The following RBFOX1 variants were observed in gnomAD, a reference collection of about 807,000 sequenced individuals.
The protein encoded by RBFOX1 is RNA binding fox-1 homolog 1, also known as RNA binding protein fox-1 homolog 1.
In RBFOX1, 8 loss-of-function variants were observed where a neutral mutation model predicts 57.7. The observed-to-expected ratio is 0.14, with a 90% CI of 0.08 to 0.25. The LOEUF (loss-of-function observed/expected upper bound fraction) is 0.25, where lower values mean the gene tolerates loss of function less well. RBFOX1 is among the 10% of genes least tolerant of loss of function. The pLI is 1.00. For synonymous variants in RBFOX1, 326 were observed against 222.4 expected (o/e 1.47, Z -4.15); for missense variants, 611 against 548.5 (o/e 1.11, Z -1.14).
chr16:5,356,731 G>A (rs1248380801), intron 1 of RBFOX1, among the ~76,000 whole-genome samples: 2 of 152,150 alleles, frequency 1.3e-5, no homozygotes, highest in Admixed American at 6.5e-5. Context: ...CAAAGATTGT[G>A]GCCTAGAATG....
At chr16:6,839,306 C>A (rs1290292939) in intron 3 of RBFOX1, among the ~76,000 whole-genome samples, 1 of 152,134 alleles carries the variant, frequency 6.6e-6, no homozygotes, top group Non-Finnish European at 1.5e-5. Context: ...ACATAGCTGC[C>A]TCAGTCTGAA....
At position 6,892,363 on chromosome 16, in the gene RBFOX1, A is replaced by G. The variant is rs143784907; in HGVS notation, c.-15-159694A>G. On this transcript the variant is annotated intron_variant, in intron 3 of 15. Coordinates refer to ENST00000550418, the MANE Select transcript of RBFOX1 (RefSeq NM_018723.4). ...GGGTTATTTTAAGGAGACTCAGAAA[A>G]TATCTTAAAATATCCAAAGTCTGAG... Among the ~76,000 whole-genome samples, 1,025 of 152,256 alleles carry G rather than the reference A, an allele frequency of 6.7e-3. 10 individuals are homozygous for G. Among genetic ancestry groups the G allele is most frequent in the African/African-American group, 0.023 (965 of 41,536 alleles).
At chr16:5,845,421 G>C (rs1008757099) in intron 3 of RBFOX1, among the ~76,000 whole-genome samples, 1 of 152,158 alleles carries the variant, frequency 6.6e-6, no homozygotes. Context: ...TTGGTCTCCA[G>C]CCTTTCTTGA....
At chr16:6,719,598 G>A (rs574010891) in intron 3 of RBFOX1, among the ~76,000 whole-genome samples, 71 of 151,510 alleles carry the variant, frequency 4.7e-4, no homozygotes, top group Admixed American at 2.9e-3. Flanking sequence ...CCATCACCAC[G>A]CCCGGCTAAT....
At chr16:5,573,989 G>A (rs1313485898) in intron 2 of RBFOX1, among the ~76,000 whole-genome samples, 4 of 152,112 alleles carry the variant, frequency 2.6e-5, no homozygotes, top group Non-Finnish European at 4.4e-5. Context: ...AATGAAACAA[G>A]TCTGTTCCGA....
chr16:7,450,191 C>G (rs1027132803), intron 4 of RBFOX1, among the ~76,000 whole-genome samples: 1 of 151,880 alleles, frequency 6.6e-6, no homozygotes, highest in African/African-American at 2.4e-5. Flanking sequence ...GTCAGGGGAT[C>G]GAGATCATCC....
At chr16:6,500,924 CTTG>C (rs1022037149) in intron 2 of RBFOX1, among the ~76,000 whole-genome samples, 2 of 34,054 alleles carry the variant, frequency 5.9e-5, no homozygotes, top group Admixed American at 3.8e-4. Context: ...TCCTCTGTCC[CTTG>C]TTAAGTTTTG....
intron 3 of RBFOX1, among the ~76,000 whole-genome samples, chr16:6,690,062 A>T (rs2059988796): frequency 6.6e-6 from 1 of 152,100 alleles, no homozygotes; most frequent in South Asian, 2.1e-4. Flanking sequence ...TGCTTTATTT[A>T]TTTATTTTTG....
chr16:5,445,917 T>G (rs1389815965), intron 1 of RBFOX1, among the ~76,000 whole-genome samples: 1 of 152,232 alleles, frequency 6.6e-6, no homozygotes, highest in Non-Finnish European at 1.5e-5. Flanking sequence ...TCCCCAGGTA[T>G]GCTTTGAGTG....
At chr16:6,218,644 A>G (rs2097351804) in intron 1 of RBFOX1, among the ~76,000 whole-genome samples, 2 of 152,136 alleles carry the variant, frequency 1.3e-5, no homozygotes. Context: ...AATAAGAGGA[A>G]AGCCCAGCTT....
At chr16:6,760,237 C>T (rs1313928082) in intron 3 of RBFOX1, among the ~76,000 whole-genome samples, 2 of 152,104 alleles carry the variant, frequency 1.3e-5, no homozygotes, top group African/African-American at 4.8e-5. Context: ...TGTCTTTAAG[C>T]AGGAAACAAA....
At chr16:7,330,545 GAGA>G (rs2096675383) in intron 4 of RBFOX1, among the ~76,000 whole-genome samples, 1 of 150,358 alleles carries the variant, frequency 6.7e-6, no homozygotes, top group Non-Finnish European at 1.5e-5. Context: ...GAGAGAGAGA[GAGA>G]AAGTTACATA....
chr16:6,072,013 C>G (rs2095843637), intron 1 of RBFOX1, among the ~76,000 whole-genome samples: 1 of 152,162 alleles, frequency 6.6e-6, no homozygotes, highest in African/African-American at 2.4e-5. Context: ...TAAAGACATA[C>G]CCAAGACTGG....
Position 5,999,867 on chromosome 16 carries a change from C to CAAAAA in RBFOX1, c.351+132568_351+132572dup, listed in dbSNP as rs869221577. On this transcript the variant is annotated intron_variant, in intron 4 of 19. Transcript: ENST00000641259. ...TGGGCGACAGAGCGAGACTCCACCTCAAAAAAAAAAAAAAAAAAAAAAAAA... is the reference window on the plus strand; with the variant it reads ...TGGGCGACAGAGCGAGACTCCACCTCAAAAAAAAAAAAAAAAAAAAAAAAAAAAAA... 3.6e-4 allele frequency among the ~76,000 whole-genome samples: 10 copies of CAAAAA among 27,658 alleles called. 1 individual carries two copies. The highest frequency in any genetic ancestry group is 5.7e-4 in the Admixed American group (1 of 1,744). 18.1% of individuals were successfully genotyped at this position (27,658 alleles called of 152,430 possible).
intron 3 of RBFOX1, among the ~76,000 whole-genome samples, chr16:6,962,991 G>C (rs996316914): frequency 6.6e-6 from 1 of 152,166 alleles, no homozygotes. Context: ...GAAAAAGAAT[G>C]CTGACTCCCA....
chr16:6,683,029 C>T (rs2058904111), intron 3 of RBFOX1, among the ~76,000 whole-genome samples: 1 of 152,036 alleles, frequency 6.6e-6, no homozygotes, highest in Non-Finnish European at 1.5e-5. Context: ...CTTCTCCATC[C>T]ATATGACCCT....
At chr16:6,380,002 C>T (rs955331447) in intron 2 of RBFOX1, among the ~76,000 whole-genome samples, 3 of 152,096 alleles carry the variant, frequency 2.0e-5, no homozygotes, top group Non-Finnish European at 4.4e-5. Flanking sequence ...GGAAGGGACA[C>T]CTTCCCTGTT....
At chr16:5,562,504 G>T (rs947389268) in intron 2 of RBFOX1, among the ~76,000 whole-genome samples, 45 of 151,706 alleles carry the variant, frequency 3.0e-4, no homozygotes, top group African/African-American at 1.0e-3. Flanking sequence ...GGAGAAGAAG[G>T]GGGAGGACCT....
chr16:6,953,011 C>T (rs892618435), intron 3 of RBFOX1, among the ~76,000 whole-genome samples: 2 of 152,074 alleles, frequency 1.3e-5, no homozygotes, highest in African/African-American at 4.8e-5. Flanking sequence ...AACTATACAT[C>T]TTTACCTCAC....
Sources: allele counts gnomAD v4.1 joint callset (sites outside exome capture counted in the v4.1 genomes callset), GRCh38; gene constraint gnomAD v4.1.1; transcripts MANE v1.5; gene names NCBI Gene and HGNC (gene_info 2026-07-23, HGNC 2026-07-21).